Variants in CNTNAP2 observed in about 807,000 individuals in gnomAD.
CNTNAP2 encodes contactin associated protein 2, also known as contactin-associated protein-like 2.
CNTNAP2 carries 98 observed loss-of-function variants against 155.2 expected under a neutral mutation model. That is an observed-to-expected ratio of 0.63 (90% confidence interval 0.54 to 0.75). The LOEUF is 0.75. Among genes scored for constraint, CNTNAP2 ranks in the 30% least tolerant of loss-of-function variants. The probability of loss-of-function intolerance (pLI) is 0.00; values close to 1 mark genes in which losing one functional copy is unlikely to be tolerated. For synonymous variants in CNTNAP2, 651 were observed against 631.2 expected (o/e 1.03, Z -0.47); for missense variants, 1,727 against 1,688.1 (o/e 1.02, Z -0.40).
intron 3 of CNTNAP2, among the ~76,000 whole-genome samples, chr7:146,884,378 A>C (rs962141564): frequency 3.3e-5 from 5 of 152,180 alleles, no homozygotes; most frequent in African/African-American, 1.2e-4. Flanking sequence ...AGGAAGAATA[A>C]ATTTGACAGG....
At chr7:146,272,526 A>G (rs1334171254) in intron 1 of CNTNAP2, among the ~76,000 whole-genome samples, 1 of 152,204 alleles carries the variant, frequency 6.6e-6, no homozygotes, top group Non-Finnish European at 1.5e-5. Flanking sequence ...CCCCGCTGGT[A>G]GAAGTCCAAG....
At chr7:148,326,999 C>G (rs1797903949) in intron 21 of CNTNAP2, among the ~76,000 whole-genome samples, 1 of 152,184 alleles carries the variant, frequency 6.6e-6, no homozygotes, top group South Asian at 2.1e-4. Context: ...CATACACGTG[C>G]TCCCCTCTGG....
intron 13 of CNTNAP2, among the ~76,000 whole-genome samples, chr7:147,783,104 A>T (rs1293994178): frequency 6.6e-6 from 1 of 152,224 alleles, no homozygotes; most frequent in East Asian, 1.9e-4. Flanking sequence ...CGTAGTTTTC[A>T]CTTAAACAAT....
chr7:147,588,417 G>A lies in CNTNAP2; in HGVS notation c.1897+26160G>A, dbSNP rs150266361. Among the ~76,000 whole-genome samples, 990 of 152,184 alleles carry A rather than the reference G, an allele frequency of 6.5e-3. 11 individuals carry two copies. Among genetic ancestry groups the A allele is most frequent in the African/African-American group, 0.023 (948 of 41,512 alleles). ...TTATGAGGAGACAGTTCTCAAACAA[G>A]AGGATACTCTGTGAATAGATGTATT... On this transcript the variant is annotated intron_variant, in intron 12 of 23. Coordinates refer to ENST00000361727, the MANE Select transcript of CNTNAP2 (RefSeq NM_014141.6).
At chr7:146,768,972 C>T (rs994888121) in intron 1 of CNTNAP2, among the ~76,000 whole-genome samples, 1 of 152,202 alleles carries the variant, frequency 6.6e-6, no homozygotes, top group African/African-American at 2.4e-5. Flanking sequence ...AATAGCCAAA[C>T]CTCTCAGCCG....
At chr7:146,802,574 T>A (rs1802897635) in intron 2 of CNTNAP2, among the ~76,000 whole-genome samples, 1 of 152,134 alleles carries the variant, frequency 6.6e-6, no homozygotes, top group Non-Finnish European at 1.5e-5. Flanking sequence ...TCAGGTTGTT[T>A]AGAAGTGTGT....
At position 147,231,118 on chromosome 7, in the gene CNTNAP2, C is replaced by T. The variant is rs79794729; in HGVS notation, c.1349-69023C>T. Reference sequence around the variant, plus strand: ...TTTAAAACATCAGCTCTCCTGAGAACGCACTCACTACAATGAGAAAAGCAT... The same window carrying T: ...TTTAAAACATCAGCTCTCCTGAGAATGCACTCACTACAATGAGAAAAGCAT... On this transcript the variant is annotated intron_variant, in intron 8 of 23. Coordinates refer to ENST00000361727, the MANE Select transcript of CNTNAP2 (RefSeq NM_014141.6). Among the ~76,000 whole-genome samples, 1,179 of 152,310 alleles carry T rather than the reference C, an allele frequency of 7.7e-3. 16 individuals are homozygous for T. Among genetic ancestry groups the T allele is most frequent in the African/African-American group, 0.027 (1,122 of 41,566 alleles).
chr7:148,402,404 T>C (rs1239717802), intron 22 of CNTNAP2, among the ~76,000 whole-genome samples: 1 of 152,204 alleles, frequency 6.6e-6, no homozygotes, highest in East Asian at 1.9e-4. Context: ...CATAATGCTC[T>C]GCCTACGGAA....
chr7:146,875,033 T>G (rs2129207991), intron 3 of CNTNAP2, among the ~76,000 whole-genome samples: 1 of 152,222 alleles, frequency 6.6e-6, no homozygotes, highest in East Asian at 1.9e-4. Context: ...TTGTAAAATT[T>G]GCAATTTCAT....
intron 12 of CNTNAP2, among the ~76,000 whole-genome samples, chr7:147,603,754 A>G (rs910336878): frequency 2.2e-4 from 34 of 152,116 alleles, no homozygotes; most frequent in African/African-American, 2.7e-4. Context: ...AAAAGAGCCC[A>G]CATCACCAAG....
chr7:148,415,763 A>T lies in CNTNAP2; in HGVS notation c.*147A>T. On this transcript the variant is annotated 3_prime_UTR_variant, in exon 24 of 24. Transcript: ENST00000361727. The stretch of plus-strand genomic sequence containing the variant: ...GGCAGGCAATGGAATATAATGGAAT[A>T]TTCTTGAGACTGATCACAAAAAAAA... The T allele has an allele frequency of 1.2e-6, 1 of 828,772 alleles. No homozygotes were observed. The highest frequency in any genetic ancestry group is 1.9e-6 in the Non-Finnish European group (1 of 522,630). The allele number at this position is 828,772 out of a possible 1,614,324, so 51.3% of individuals were successfully genotyped here. A position where few individuals can be genotyped will look rare whatever the true frequency, so the allele number is the denominator to read the frequency against.
At chr7:148,266,532 G>A (rs111898965) in intron 20 of CNTNAP2, among the ~76,000 whole-genome samples, 8 of 152,272 alleles carry the variant, frequency 5.3e-5, no homozygotes, top group African/African-American at 1.9e-4. Flanking sequence ...CCTGTGGCAG[G>A]AGAAATCATT....
chr7:146,582,451 T>C (rs1798625676), intron 1 of CNTNAP2, among the ~76,000 whole-genome samples: 1 of 152,070 alleles, frequency 6.6e-6, no homozygotes, highest in Non-Finnish European at 1.5e-5. Flanking sequence ...TCCTAGAGAA[T>C]GCTATAACTG....
At chr7:148,039,192 G>C (rs1381773529) in intron 15 of CNTNAP2, among the ~76,000 whole-genome samples, 1 of 152,202 alleles carries the variant, frequency 6.6e-6, no homozygotes, top group African/African-American at 2.4e-5. Flanking sequence ...TTAGTCTGAG[G>C]CTGAAGGCCT....
chr7:147,652,537 C>A (rs1248598804), intron 13 of CNTNAP2, among the ~76,000 whole-genome samples: 1 of 152,174 alleles, frequency 6.6e-6, no homozygotes, highest in Non-Finnish European at 1.5e-5. Flanking sequence ...CGCCCCAAAT[C>A]TCTGTGAGTT....
At chr7:146,784,498 A>G (rs1215819328) in intron 2 of CNTNAP2, among the ~76,000 whole-genome samples, 6 of 152,260 alleles carry the variant, frequency 3.9e-5, no homozygotes, top group Non-Finnish European at 5.9e-5. Flanking sequence ...CATCTGAATT[A>G]GCAAATCAAT....
intron 1 of CNTNAP2, among the ~76,000 whole-genome samples, chr7:146,559,363 A>G (rs935063082): frequency 1.3e-5 from 2 of 152,092 alleles, no homozygotes; most frequent in East Asian, 3.9e-4. Context: ...AATTCAAGAG[A>G]TAGAGACTAT....
intron 2 of CNTNAP2, among the ~76,000 whole-genome samples, chr7:146,793,692 A>C (rs1267981459): frequency 1.3e-5 from 2 of 152,224 alleles, no homozygotes; most frequent in Non-Finnish European, 2.9e-5. Context: ...TGGGTGTCTG[A>C]AATGTAGCAT....
chr7:146,310,718 CAGAT>C (rs747156168), intron 1 of CNTNAP2, among the ~76,000 whole-genome samples: 6 of 152,218 alleles, frequency 3.9e-5, no homozygotes, highest in Admixed American at 1.3e-4. Context: ...AACTTGTAGT[CAGAT>C]AGCAGTGATA....
Sources: gnomAD v4.1 joint callset for allele counts (sites outside exome capture counted in the v4.1 genomes callset) on GRCh38, gnomAD v4.1.1 for gene constraint, MANE v1.5 for transcripts, NCBI Gene and HGNC (gene_info 2026-07-23, HGNC 2026-07-21) for gene names.